The following CSMD1 variants were observed in gnomAD, a reference collection of about 807,000 sequenced individuals.
CSMD1 encodes the protein CUB and sushi domain-containing protein 1.
Under a neutral mutation model 417.5 loss-of-function variants are expected in CSMD1, and 213 were observed. The ratio of observed to expected loss-of-function variants is 0.51; its 90% confidence interval spans 0.46 to 0.57. CSMD1 has a LOEUF of 0.57. Ranked by LOEUF, CSMD1 falls within the 20% of genes least tolerant of loss-of-function variation. CSMD1 has a pLI of 0.00. For synonymous variants in CSMD1, 2,862 were observed against 1,736.8 expected (o/e 1.65, Z -16.11); for missense variants, 6,923 against 4,529.7 (o/e 1.53, Z -15.17).
chr8:4,648,224 G>C (rs1054133237), intron 1 of CSMD1, among the ~76,000 whole-genome samples: 1 of 152,188 alleles, frequency 6.6e-6, no homozygotes, highest in African/African-American at 2.4e-5. Flanking sequence ...CTTTTGAGAA[G>C]TGTCTGTTCA....
chr8:3,255,132 C>G (rs1431956564), intron 26 of CSMD1, among the ~76,000 whole-genome samples: 1 of 152,162 alleles, frequency 6.6e-6, no homozygotes, highest in Admixed American at 6.5e-5. Context: ...TTGCGGAGGT[C>G]CACTCCAGAA....
intron 5 of CSMD1, among the ~76,000 whole-genome samples, chr8:3,773,758 C>G (rs190286600): frequency 6.6e-6 from 1 of 152,088 alleles, no homozygotes; most frequent in Non-Finnish European, 1.5e-5. Flanking sequence ...TGACACTAAC[C>G]CAGAATAAAT....
intron 6 of CSMD1, among the ~76,000 whole-genome samples, chr8:3,733,594 G>C (rs1311516859): frequency 3.9e-5 from 6 of 151,962 alleles, no homozygotes; most frequent in Non-Finnish European, 5.9e-5. Flanking sequence ...ATGAAACCCT[G>C]CACCGCCCTG....
chr8:4,630,435 A>G (rs1193975065), intron 2 of CSMD1, among the ~76,000 whole-genome samples: 2 of 152,104 alleles, frequency 1.3e-5, no homozygotes, highest in South Asian at 2.1e-4. Context: ...CCTTCTCTCT[A>G]GACAACTGCA....
At chr8:3,821,639 G>C (rs907083955) in intron 5 of CSMD1, among the ~76,000 whole-genome samples, 1 of 152,032 alleles carries the variant, frequency 6.6e-6, no homozygotes, top group Non-Finnish European at 1.5e-5. Context: ...AAAATTAGCC[G>C]GGCATGGTGG....
chr8:4,813,612 A>G (rs1018440601), intron 1 of CSMD1, among the ~76,000 whole-genome samples: 4 of 152,234 alleles, frequency 2.6e-5, no homozygotes, highest in African/African-American at 4.8e-5. Flanking sequence ...CATCTTTGCC[A>G]TGTTTCTAAA....
intron 2 of CSMD1, among the ~76,000 whole-genome samples, chr8:4,426,337 A>G (rs1797553460): frequency 2.0e-5 from 3 of 150,844 alleles, no homozygotes; most frequent in Admixed American, 6.6e-5. Context: ...TATGTAGTAT[A>G]TAGCATATAA....
intron 42 of CSMD1, among the ~76,000 whole-genome samples, chr8:3,115,837 T>C (rs1448692941): frequency 6.6e-6 from 1 of 152,160 alleles, no homozygotes; most frequent in Non-Finnish European, 1.5e-5. Context: ...CATCGAGAAG[T>C]TGTTTAAAGT....
intron 7 of CSMD1, among the ~76,000 whole-genome samples, chr8:3,658,809 T>G (rs1798261445): frequency 6.6e-6 from 1 of 152,084 alleles, no homozygotes; most frequent in Non-Finnish European, 1.5e-5. Flanking sequence ...AATAAAGTCT[T>G]CCAACAATTT....
intron 2 of CSMD1, among the ~76,000 whole-genome samples, chr8:4,494,049 T>G (rs1290381047): frequency 6.6e-6 from 1 of 152,188 alleles, no homozygotes. Flanking sequence ...ACATGAATGG[T>G]ATTCTTGGGT....
intron 7 of CSMD1, among the ~76,000 whole-genome samples, chr8:3,635,009 T>C (rs1796962979): frequency 1.3e-5 from 2 of 151,720 alleles, no homozygotes; most frequent in African/African-American, 4.8e-5. Context: ...TAAACCTAAC[T>C]AAACATTGAA....
rs552699528 is a variant in CSMD1 at position 4,446,341 on chromosome 8, A to T, written c.303-26276T>A. On this transcript the variant is annotated intron_variant, in intron 2 of 69. Coordinates refer to ENST00000635120, the MANE Select transcript of CSMD1 (RefSeq NM_033225.6). Reference sequence around the variant, plus strand: ...CATGGGTGGATCGCTTGAGCCCAGGAGTTTGAAACCAGCCTGGGCAACATG... The same window carrying T: ...CATGGGTGGATCGCTTGAGCCCAGGTGTTTGAAACCAGCCTGGGCAACATG... 9.2e-5 allele frequency among the ~76,000 whole-genome samples: 14 copies of T among 152,174 alleles called. No individual in the cohort carries two copies. In the East Asian group the frequency reaches 2.5e-3, roughly 27 times the overall value.
At chr8:4,556,866 T>A (rs376296459) in intron 2 of CSMD1, among the ~76,000 whole-genome samples, 58 of 152,340 alleles carry the variant, frequency 3.8e-4, no homozygotes, top group South Asian at 3.3e-3. Flanking sequence ...ATACGTATAA[T>A]GCAATGATTC....
At chr8:3,422,714 C>T (rs1813573152) in intron 12 of CSMD1, among the ~76,000 whole-genome samples, 1 of 151,934 alleles carries the variant, frequency 6.6e-6, no homozygotes, top group Non-Finnish European at 1.5e-5. Flanking sequence ...CGTCTTAGTC[C>T]CCTTGTGCTG....
At chr8:4,964,380 C>G (rs1234175381) in intron 1 of CSMD1, among the ~76,000 whole-genome samples, 3 of 150,808 alleles carry the variant, frequency 2.0e-5, no homozygotes, top group African/African-American at 7.3e-5. Context: ...TAAGCCGGGT[C>G]TAGTGGCATG....
chr8:4,024,822 C>G (rs1240937269), intron 4 of CSMD1, among the ~76,000 whole-genome samples: 1 of 152,166 alleles, frequency 6.6e-6, no homozygotes, highest in African/African-American at 2.4e-5. Context: ...AGTATGACTT[C>G]AGGGATCTAA....
chr8:4,052,021 T>C (rs912640548), intron 3 of CSMD1, among the ~76,000 whole-genome samples: 3 of 151,836 alleles, frequency 2.0e-5, no homozygotes, highest in Non-Finnish European at 4.4e-5. Flanking sequence ...TGTCTCCCTG[T>C]CATATACAGG....
At chr8:3,711,779 T>C (rs1243624067) in intron 6 of CSMD1, among the ~76,000 whole-genome samples, 2 of 152,176 alleles carry the variant, frequency 1.3e-5, no homozygotes, top group East Asian at 3.9e-4. Context: ...AATAACTTTA[T>C]CTTGAAGTTA....
At position 4,469,896 on chromosome 8, in the gene CSMD1, G is replaced by A. The variant is rs554230910; in HGVS notation, c.303-49831C>T. Among the ~76,000 whole-genome samples, 2 of 150,908 alleles carry A rather than the reference G, an allele frequency of 1.3e-5. 1 individual carries two copies. The highest frequency in any genetic ancestry group is 4.9e-5 in the African/African-American group (2 of 41,064). ...TTTTTTTTTTTATTTGAGACGGAGTGTCGCTCTGTCGCCCTGGCTGGAGTG... is the reference window on the plus strand; with the variant it reads ...TTTTTTTTTTTATTTGAGACGGAGTATCGCTCTGTCGCCCTGGCTGGAGTG... On this transcript the variant is annotated intron_variant, in intron 2 of 69. Transcript: ENST00000635120.
Sources: allele counts gnomAD v4.1 joint callset (sites outside exome capture counted in the v4.1 genomes callset), GRCh38; gene constraint gnomAD v4.1.1; transcripts MANE v1.5; gene names NCBI Gene and HGNC (gene_info 2026-07-23, HGNC 2026-07-21).